The following ME1 variants were observed in gnomAD, a reference collection of about 807,000 sequenced individuals.
ME1 encodes the protein malic enzyme 1.
Under a neutral mutation model 66.4 loss-of-function variants are expected in ME1, and 74 were observed. That is an observed-to-expected ratio of 1.11 (90% CI 0.92 to 1.35). ME1 has a LOEUF of 1.35. Ranked by LOEUF, ME1 falls within the 40% of genes most tolerant of loss-of-function variation. The pLI is 0.00. For missense variants in ME1, 750 were observed against 694.1 expected (o/e 1.08, Z -0.90); for synonymous variants, 251 against 235.6 (o/e 1.07, Z -0.60).
At chr6:83,397,014 C>A (rs1390092633) in intron 3 of ME1, among the ~76,000 whole-genome samples, 1 of 152,064 alleles carries the variant, frequency 6.6e-6, no homozygotes, top group Non-Finnish European at 1.5e-5. Context: ...AAATGTAAGA[C>A]TTGAAACTAT....
At chr6:83,277,681 C>T (rs1214670502) in intron 6 of ME1, among the ~76,000 whole-genome samples, 3 of 152,008 alleles carry the variant, frequency 2.0e-5, no homozygotes, top group South Asian at 2.1e-4. Context: ...GCAGGCAGAT[C>T]ACTTGAGGTC....
At chr6:83,315,255 TA>T (rs1768007879) in intron 6 of ME1, 54 bp downstream of exon 6, 4 of 1,056,324 alleles carry the variant, frequency 3.8e-6, no homozygotes, top group Non-Finnish European at 5.7e-6. Flanking sequence ...GATTTTTTAA[TA>T]GTCTGTTATG....
At chr6:83,420,095 C>G (rs771150598) in intron 1 of ME1, among the ~76,000 whole-genome samples, 11 of 151,766 alleles carry the variant, frequency 7.2e-5, no homozygotes, top group South Asian at 2.1e-4. Context: ...TGAGACGGAG[C>G]CTTGCACTGT....
intron 1 of ME1, among the ~76,000 whole-genome samples, chr6:83,430,042 T>G (rs1221898938): frequency 6.6e-6 from 1 of 152,096 alleles, no homozygotes; most frequent in Admixed American, 6.6e-5. Context: ...AGTGCTTATA[T>G]TGCATCACCA....
chr6:83,364,225 C>A (rs936100356), intron 3 of ME1, among the ~76,000 whole-genome samples: 32 of 152,086 alleles, frequency 2.1e-4, no homozygotes, highest in African/African-American at 7.5e-4. Flanking sequence ...ACTGGCCTAG[C>A]CTCCCCTACC....
At chr6:83,392,892 CT>C in intron 3 of ME1, 1 of 798,004 alleles carries the variant, frequency 1.3e-6, no homozygotes, top group Non-Finnish European at 2.2e-6. Flanking sequence ...CTTAACGCCC[CT>C]GGCCAAGGTC....
At chr6:83,395,084 T>C (rs1312955429) in intron 3 of ME1, among the ~76,000 whole-genome samples, 2 of 150,716 alleles carry the variant, frequency 1.3e-5, no homozygotes, top group East Asian at 3.8e-4. Flanking sequence ...GTATTACTTT[T>C]TTGTTTTTTT....
At chr6:83,258,071 C>T (rs1464843818) in intron 6 of ME1, among the ~76,000 whole-genome samples, 1 of 152,064 alleles carries the variant, frequency 6.6e-6, no homozygotes, top group Non-Finnish European at 1.5e-5. Context: ...AAATGAAATC[C>T]CTACAATATG....
chr6:83,292,166 G>A (rs1382732169), intron 6 of ME1, among the ~76,000 whole-genome samples: 1 of 152,102 alleles, frequency 6.6e-6, no homozygotes, highest in Non-Finnish European at 1.5e-5. Flanking sequence ...TTCCCTCACT[G>A]GAGAGAAGTT....
chr6:83,248,005 T>C (rs903953064), intron 7 of ME1, among the ~76,000 whole-genome samples: 2 of 152,154 alleles, frequency 1.3e-5, no homozygotes, highest in African/African-American at 4.8e-5. Context: ...GGGCATATTA[T>C]GCTGTGGATC....
Position 83,339,821 on chromosome 6 carries a change from G to A in ME1, c.600+6352C>T, listed in dbSNP as rs1331434723. On this transcript the variant is annotated intron_variant, in intron 5 of 13. Coordinates refer to ENST00000369705, the MANE Select transcript of ME1 (RefSeq NM_002395.6). The stretch of plus-strand genomic sequence containing the variant: ...AATATCACACTCTGGGGACTGTGGT[G>A]GGGTCGGGGGAGGGGGGAGGGATAG... Among the ~76,000 whole-genome samples the A allele has an allele frequency of 9.1e-5, 10 of 110,492 alleles. No individual in the cohort carries two copies. The Admixed American group carries it at 9.9e-4, about 11-fold the overall frequency. 72.5% of individuals were successfully genotyped at this position (110,492 alleles called of 152,430 possible).
intron 2 of ME1, among the ~76,000 whole-genome samples, chr6:83,405,478 T>C (rs1473465021): frequency 6.6e-6 from 1 of 152,200 alleles, no homozygotes; most frequent in Non-Finnish European, 1.5e-5. Flanking sequence ...CCTCTCTTCC[T>C]ATTTGAATAT....
chr6:83,387,321 C>T (rs545274796), intron 3 of ME1, among the ~76,000 whole-genome samples: 14 of 152,062 alleles, frequency 9.2e-5, no homozygotes, highest in East Asian at 3.9e-4. Context: ...TACTATACAA[C>T]GAGAACATTT....
At chr6:83,279,165 C>A (rs758563578) in intron 6 of ME1, among the ~76,000 whole-genome samples, 5 of 152,190 alleles carry the variant, frequency 3.3e-5, no homozygotes, top group Non-Finnish European at 7.3e-5. Context: ...GCCTCTAATA[C>A]TACAGCTACA....
chr6:83,404,292 T>G (rs917127716), intron 2 of ME1, among the ~76,000 whole-genome samples: 24 of 152,208 alleles, frequency 1.6e-4, no homozygotes, highest in African/African-American at 5.5e-4. Context: ...TTTGGCCGCA[T>G]AAATGTCTTC....
At chr6:83,317,900 T>A (rs958119310) in intron 5 of ME1, among the ~76,000 whole-genome samples, 3 of 152,022 alleles carry the variant, frequency 2.0e-5, no homozygotes, top group African/African-American at 7.2e-5. Flanking sequence ...GACTTCAAAC[T>A]ATACTACAAG....
At chr6:83,395,480 CTTT>C (rs202031901) in intron 3 of ME1, among the ~76,000 whole-genome samples, 8 of 141,192 alleles carry the variant, frequency 5.7e-5, no homozygotes, top group Admixed American at 7.1e-5. Flanking sequence ...TAAATCTTTT[CTTT>C]TTTTTTTTTT....
At chr6:83,220,556 G>A (rs1384926554) in intron 12 of ME1, among the ~76,000 whole-genome samples, 1 of 152,138 alleles carries the variant, frequency 6.6e-6, no homozygotes, top group African/African-American at 2.4e-5. Flanking sequence ...GATTCAACTA[G>A]TATTTTGACA....
chr6:83,317,898 A>G (rs1033072505), intron 5 of ME1, among the ~76,000 whole-genome samples: 1 of 152,092 alleles, frequency 6.6e-6, no homozygotes, highest in African/African-American at 2.4e-5. Flanking sequence ...CTGACTTCAA[A>G]CTATACTACA....
Sources: gnomAD v4.1 joint callset for allele counts (sites outside exome capture counted in the v4.1 genomes callset) on GRCh38, gnomAD v4.1.1 for gene constraint, MANE v1.5 for transcripts, NCBI Gene and HGNC (gene_info 2026-07-23, HGNC 2026-07-21) for gene names.